Variants in THSD7B observed in about 807,000 individuals in gnomAD.
THSD7B encodes thrombospondin type-1 domain-containing protein 7B.
THSD7B carries 138 observed loss-of-function variants against 213.6 expected under a neutral mutation model. The ratio of observed to expected loss-of-function variants is 0.65; its 90% CI spans 0.56 to 0.74. The LOEUF is 0.74. Among genes scored for constraint, THSD7B ranks in the 30% least tolerant of loss-of-function variants. The probability of loss-of-function intolerance (pLI) is 0.00; values close to 1 mark genes in which losing one functional copy is unlikely to be tolerated. For synonymous variants in THSD7B, 742 were observed against 687.0 expected (o/e 1.08, Z -1.25); for missense variants, 1,931 against 1,991.5 (o/e 0.97, Z 0.58).
chr2:137,366,485 A>T (rs151035433), intron 12 of THSD7B, among the ~76,000 whole-genome samples: 2 of 152,268 alleles, frequency 1.3e-5, no homozygotes, highest in African/African-American at 4.8e-5. Context: ...TTTGGGAAGG[A>T]TCAAATAAGA....
intron 1 of THSD7B, among the ~76,000 whole-genome samples, chr2:136,780,488 C>T (rs1681719995): frequency 6.6e-6 from 1 of 152,170 alleles, no homozygotes; most frequent in Admixed American, 6.5e-5. Flanking sequence ...TTTGTATTTT[C>T]TCTTTCTATC....
intron 3 of THSD7B, among the ~76,000 whole-genome samples, chr2:137,075,859 AC>A (rs1317632587): frequency 6.6e-6 from 1 of 152,144 alleles, no homozygotes; most frequent in Non-Finnish European, 1.5e-5. Flanking sequence ...CACTCCAGAC[AC>A]TGTTTGCCTG....
At chr2:137,546,796 CTTAA>C (rs1354112532) in intron 15 of THSD7B, among the ~76,000 whole-genome samples, 2 of 151,426 alleles carry the variant, frequency 1.3e-5, no homozygotes, top group African/African-American at 4.8e-5. Flanking sequence ...ATTTTGTGGT[CTTAA>C]TTGTTTATTG....
At chr2:137,330,009 G>A (rs1341773196) in intron 12 of THSD7B, among the ~76,000 whole-genome samples, 1 of 152,168 alleles carries the variant, frequency 6.6e-6, no homozygotes, top group Admixed American at 6.5e-5. Context: ...GCTAAAAGGG[G>A]CCAACATAAA....
At chr2:136,991,769 T>A (rs1426762846) in intron 2 of THSD7B, among the ~76,000 whole-genome samples, 2 of 152,222 alleles carry the variant, frequency 1.3e-5, no homozygotes, top group African/African-American at 4.8e-5. Flanking sequence ...TAATTTTTCT[T>A]CTGCTTCACT....
intron 15 of THSD7B, among the ~76,000 whole-genome samples, chr2:137,463,088 T>C (rs1007204555): frequency 3.9e-5 from 6 of 152,152 alleles, no homozygotes; most frequent in African/African-American, 1.2e-4. Context: ...TTGAGCTTGC[T>C]CTATTTCCTT....
chr2:137,222,557 G>A (rs185849761), intron 7 of THSD7B, among the ~76,000 whole-genome samples: 1 of 152,150 alleles, frequency 6.6e-6, no homozygotes, highest in South Asian at 2.1e-4. Flanking sequence ...TTGAGATGTT[G>A]CAGTCTGCTT....
intron 20 of THSD7B, among the ~76,000 whole-genome samples, chr2:137,630,168 A>AT (rs1313783769): frequency 6.6e-6 from 1 of 151,794 alleles, no homozygotes; most frequent in African/African-American, 2.4e-5. Context: ...TAAATTTTCT[A>AT]TTTTTTGTAG....
At chr2:137,068,705 G>C (rs1311311729) in intron 3 of THSD7B, among the ~76,000 whole-genome samples, 1 of 152,044 alleles carries the variant, frequency 6.6e-6, no homozygotes, top group African/African-American at 2.4e-5. Flanking sequence ...TTGTTCTAAA[G>C]TACAGATTCC....
At chr2:136,828,270 T>C (rs1053965672) in intron 1 of THSD7B, among the ~76,000 whole-genome samples, 1 of 152,166 alleles carries the variant, frequency 6.6e-6, no homozygotes, top group Non-Finnish European at 1.5e-5. Flanking sequence ...TCTCAGTTAA[T>C]GGCACTATCA....
At chr2:136,995,580 A>G (rs1685869947) in intron 2 of THSD7B, among the ~76,000 whole-genome samples, 1 of 152,152 alleles carries the variant, frequency 6.6e-6, no homozygotes, top group Non-Finnish European at 1.5e-5. Context: ...GAATGACCCC[A>G]TCTAAGGGGA....
At chr2:137,231,383 C>T in intron 8 of THSD7B, 148 bp downstream of exon 8, 1 of 896,876 alleles carries the variant, frequency 1.1e-6, no homozygotes, top group South Asian at 1.9e-5. Flanking sequence ...AGTTTCATTT[C>T]CCTCCATGCT....
chr2:137,069,541 A>G (rs1687441552), intron 3 of THSD7B, among the ~76,000 whole-genome samples: 2 of 152,010 alleles, frequency 1.3e-5, no homozygotes, highest in Non-Finnish European at 2.9e-5. Flanking sequence ...CATGTTAACC[A>G]TCTTTCAATT....
intron 14 of THSD7B, among the ~76,000 whole-genome samples, chr2:137,436,608 C>T (rs1445761185): frequency 6.6e-6 from 1 of 152,114 alleles, no homozygotes; most frequent in Non-Finnish European, 1.5e-5. Flanking sequence ...AGCAAGCCTT[C>T]ATTCAATTCT....
chr2:136,971,081 A>G (rs988437898), intron 2 of THSD7B, among the ~76,000 whole-genome samples: 2 of 152,196 alleles, frequency 1.3e-5, no homozygotes, highest in Non-Finnish European at 2.9e-5. Context: ...ATAAAGAGAA[A>G]TACATGAAAT....
intron 14 of THSD7B, among the ~76,000 whole-genome samples, chr2:137,450,453 T>C (rs1326490081): frequency 6.6e-6 from 1 of 152,202 alleles, no homozygotes; most frequent in East Asian, 1.9e-4. Context: ...GCCTTGCAGA[T>C]CATAGACCCT....
intron 15 of THSD7B, among the ~76,000 whole-genome samples, chr2:137,557,900 A>G (rs1349843936): frequency 1.3e-5 from 2 of 152,232 alleles, no homozygotes; most frequent in African/African-American, 4.8e-5. Context: ...GATCCCACAG[A>G]AATACAAACT....
intron 21 of THSD7B, among the ~76,000 whole-genome samples, chr2:137,644,956 C>G (rs909766470): frequency 2.6e-5 from 4 of 152,176 alleles, no homozygotes; most frequent in South Asian, 2.1e-4. Context: ...TTTCCTAACT[C>G]TTCCCAAGTT....
intron 17 of THSD7B, among the ~76,000 whole-genome samples, chr2:137,579,109 A>G (rs1004154476): frequency 6.6e-6 from 1 of 152,218 alleles, no homozygotes; most frequent in Non-Finnish European, 1.5e-5. Context: ...AGAGGGTCTC[A>G]GTACCAGTAT....
Sources: allele counts gnomAD v4.1 joint callset (sites outside exome capture counted in the v4.1 genomes callset), GRCh38; gene constraint gnomAD v4.1.1; transcripts MANE v1.5; gene names NCBI Gene and HGNC (gene_info 2026-07-23, HGNC 2026-07-21).